The following TM7SF3 variants were observed in gnomAD, a reference collection of about 807,000 sequenced individuals.
The protein encoded by TM7SF3 is seven span transmembrane protein.
TM7SF3 carries 60 observed loss-of-function variants against 65.5 expected under a neutral mutation model. That is an observed-to-expected ratio of 0.92 (90% CI 0.74 to 1.14). The LOEUF (loss-of-function observed/expected upper bound fraction) is 1.14. Among genes scored for constraint, TM7SF3 ranks in the 50% most tolerant of loss-of-function variants. The pLI, the probability that TM7SF3 is intolerant of heterozygous loss-of-function variation, is 0.00. For synonymous variants in TM7SF3, 264 were observed against 259.6 expected (o/e 1.02, Z -0.16); for missense variants, 623 against 684.8 (o/e 0.91, Z 1.01).
At chr12:26,991,685 T>C (rs1375240574) in intron 5 of TM7SF3, among the ~76,000 whole-genome samples, 1 of 152,204 alleles carries the variant, frequency 6.6e-6, no homozygotes, top group East Asian at 1.9e-4. Context: ...AAACTGTTAA[T>C]ATTACTCCCA....
chr12:26,973,755 T>C lies in TM7SF3; in HGVS notation c.*210A>G. ...ATTTGGAAATAAGAAAAAGCCTCCCTACCACCAACCTTTTGGTCATCTTTC... is the reference window on the plus strand; with the variant it reads ...ATTTGGAAATAAGAAAAAGCCTCCCCACCACCAACCTTTTGGTCATCTTTC... On this transcript the variant is annotated 3_prime_UTR_variant, in exon 12 of 12. Transcript: ENST00000343028. 1.3e-5 allele frequency: 7 copies of C among 526,662 alleles called. No homozygotes were observed. In the East Asian group the frequency reaches 2.3e-4, roughly 17 times the overall value. 32.6% of individuals were successfully genotyped at this position (526,662 alleles called of 1,614,324 possible). A position where few individuals can be genotyped will look rare whatever the true frequency, so the allele number is the denominator to read the frequency against.
Position 26,979,955 on chromosome 12 carries a change from TGAACTGC to T in TM7SF3, c.1037-26_1037-20del. ...AGATTCACTGTACAAAGAGAGAGGA[TGAACTGC>T]TGGATAACCGGCAGTACTTCCAACC... On this transcript the variant is annotated intron_variant, in intron 8 of 11. Coordinates refer to ENST00000343028, the MANE Select transcript of TM7SF3 (RefSeq NM_016551.3). 3 of 1,613,984 alleles carry T rather than the reference TGAACTGC, an allele frequency of 1.9e-6. No homozygotes were observed. The highest frequency in any genetic ancestry group is 1.7e-6 in the Non-Finnish European group (2 of 1,179,962).
rs375122787 is a variant in TM7SF3, at chr12:26,974,246, A to C, written c.1451-19T>G. 16 of 1,609,148 alleles carry C rather than the reference A, an allele frequency of 9.9e-6. No homozygotes were observed. In the East Asian group the frequency reaches 1.3e-4, roughly 13 times the overall value. On this transcript the variant is annotated intron_variant, in intron 11 of 11. Transcript: ENST00000343028. The stretch of plus-strand genomic sequence containing the variant: ...ATGAAGTCTAAAAAACAGTAGAAAA[A>C]GTACAGTTTGAACTCTAGTATTTTA...
At chr12:27,008,428 T>C (rs753239323) in intron 1 of TM7SF3, among the ~76,000 whole-genome samples, 17 of 152,192 alleles carry the variant, frequency 1.1e-4, no homozygotes, top group Non-Finnish European at 2.1e-4. Flanking sequence ...ATCATAGATA[T>C]GAGTATTCTG....
At chr12:26,977,395 T>C (rs771774548) in intron 9 of TM7SF3, among the ~76,000 whole-genome samples, 1 of 152,238 alleles carries the variant, frequency 6.6e-6, no homozygotes, top group Non-Finnish European at 1.5e-5. Context: ...AGGTGAAAAC[T>C]AGCAATCTAA....
At chr12:26,999,697 T>C (rs751728621) in intron 2 of TM7SF3, 21 bp from the exon 3 acceptor site, 13 of 1,612,946 alleles carry the variant, frequency 8.1e-6, no homozygotes, top group Non-Finnish European at 8.5e-7. Context: ...GAAGAAACAT[T>C]GTCATGAATA....
At chr12:26,983,231 G>C (rs528266815) in intron 6 of TM7SF3, among the ~76,000 whole-genome samples, 67 of 150,682 alleles carry the variant, frequency 4.4e-4, no homozygotes, top group African/African-American at 1.4e-3. Flanking sequence ...GGCAGGGAGT[G>C]GGGGGGAGGT....
chr12:26,977,736 A>T (rs1223877091), intron 9 of TM7SF3, among the ~76,000 whole-genome samples: 1 of 151,894 alleles, frequency 6.6e-6, no homozygotes, highest in African/African-American at 2.4e-5. Flanking sequence ...CCTGGGAGAC[A>T]GAGTGAGACT....
Position 26,975,617 on chromosome 12 carries a change from C to A in TM7SF3, c.1329G>T (p.Val443=). The A allele has an allele frequency of 1.2e-6, 2 of 1,614,018 alleles. No homozygotes were observed. Among genetic ancestry groups the A allele is most frequent in the Non-Finnish European group, 1.7e-6 (2 of 1,179,968 alleles). ...ACCAGTAACTGTCAATGGCTAAAACCACCGAATAGGAGCCAATGACTCCAC... is the reference window on the plus strand; with the variant it reads ...ACCAGTAACTGTCAATGGCTAAAACAACCGAATAGGAGCCAATGACTCCAC... ...LTCGVIGSYS[V]VLAIDSYWST... is the part of the protein sequence containing the mutation. The change falls in exon 11 of 12, where the codon GTG becomes GTT. Residue 443 remains valine, a synonymous_variant. Transcript: ENST00000343028.
Position 27,003,362 on chromosome 12 carries a change from A to C in TM7SF3, c.120T>G (p.Phe40Leu). ...EGLIEFSVGK[F>L]RYFELNRPFP... Reference sequence around the variant, plus strand: ...AGGGCCTATTGAGCTCGAAGTATCTAAATTTCCCCACAGAAAATTCAATAA... The same window carrying C: ...AGGGCCTATTGAGCTCGAAGTATCTCAATTTCCCCACAGAAAATTCAATAA... Residue 40 changes from phenylalanine to leucine, a missense_variant, in exon 2 of 12, where the codon TTT becomes TTG. Physicochemically the swap from Phe to Leu is conservative, Grantham distance 22 (BLOSUM62 0). Coordinates refer to ENST00000343028, the MANE Select transcript of TM7SF3 (RefSeq NM_016551.3). 6.2e-7 allele frequency: 1 copy of C among 1,612,672 alleles called. No individual in the cohort carries two copies. The highest frequency in any genetic ancestry group is 1.3e-5 in the African/African-American group (1 of 75,004).
chr12:26,973,846 A>G lies in TM7SF3; in HGVS notation c.*119T>C. ...ACCATATATCAATAAGGGCACCATAATATTATGCAAAGAACAGATATATAT... is the reference window on the plus strand; with the variant it reads ...ACCATATATCAATAAGGGCACCATAGTATTATGCAAAGAACAGATATATAT... On this transcript the variant is annotated 3_prime_UTR_variant, in exon 12 of 12. Transcript: ENST00000343028. 7.8e-7 allele frequency: 1 copy of G among 1,284,566 alleles called. No homozygotes were observed. Among genetic ancestry groups the G allele is most frequent in the Admixed American group, 2.3e-5 (1 of 44,284 alleles). The allele number at this position is 1,284,566 out of a possible 1,614,324, so 79.6% of individuals were successfully genotyped here. A position where few individuals can be genotyped will look rare whatever the true frequency, so the allele number is the denominator to read the frequency against.
intron 1 of TM7SF3, among the ~76,000 whole-genome samples, chr12:27,008,975 C>T (rs7314497): frequency 0.13 from 19,088 of 152,150 alleles, 1,689 homozygotes; most frequent in Admixed American, 0.26. Flanking sequence ...ATATCCTGTA[C>T]CTACACTTGT....
chr12:26,979,469 C>T (rs1939715218), intron 9 of TM7SF3: 1 of 268,774 alleles, frequency 3.7e-6, no homozygotes, highest in African/African-American at 2.2e-5. Flanking sequence ...GGTTCCCCGA[C>T]TCAGCTGCCA....
At position 26,999,627 on chromosome 12, in the gene TM7SF3, A is replaced by AAAAC; in HGVS notation, c.292_295dup (p.Phe99CysfsTer5). ...TGTACTCTGCTCTGGTCTAAGGATG[A>AAAAC]AAACCAGTCCACTGGCAGTGCCTGT... On this transcript the variant is annotated frameshift_variant, in exon 3 of 12. Transcript: ENST00000343028. LOFTEE classifies it high-confidence loss of function. 6.2e-7 allele frequency: 1 copy of AAAAC among 1,614,174 alleles called. No individual in the cohort carries two copies. The highest frequency in any genetic ancestry group is 8.5e-7 in the Non-Finnish European group (1 of 1,180,022).
intron 1 of TM7SF3, among the ~76,000 whole-genome samples, chr12:27,004,127 G>A: frequency 6.6e-6 from 1 of 152,280 alleles, no homozygotes; most frequent in South Asian, 2.1e-4. Flanking sequence ...CTGTCTACTT[G>A]CCTCCATGGT....
chr12:27,002,994 T>C (rs1470752443), intron 2 of TM7SF3, among the ~76,000 whole-genome samples: 2 of 152,146 alleles, frequency 1.3e-5, no homozygotes, highest in Admixed American at 6.6e-5. Context: ...TGTCACAGGG[T>C]GCCCTTCTCC....
At chr12:26,995,204 T>A (rs761214002) in intron 5 of TM7SF3, 33 bp downstream of exon 5, 1 of 1,596,226 alleles carries the variant, frequency 6.3e-7, no homozygotes, top group East Asian at 2.2e-5. Flanking sequence ...GGTGTCACAA[T>A]CCAGCCACAC....
intron 1 of TM7SF3, among the ~76,000 whole-genome samples, chr12:27,007,729 G>A (rs55981533): frequency 0.13 from 18,935 of 150,462 alleles, 1,333 homozygotes; most frequent in Non-Finnish European, 0.18. Flanking sequence ...TCCCCCTGTG[G>A]CCCCTCCCAA....
chr12:26,980,393 G>A (rs1288465705), intron 8 of TM7SF3, 173 bp downstream of exon 8: 13 of 593,312 alleles, frequency 2.2e-5, no homozygotes, highest in Non-Finnish European at 3.5e-5. Context: ...TAAAAACCCA[G>A]AAGGTCTGAA....
Sources: allele counts gnomAD v4.1 joint callset (sites outside exome capture counted in the v4.1 genomes callset), GRCh38; gene constraint gnomAD v4.1.1; transcripts MANE v1.5; gene names NCBI Gene and HGNC (gene_info 2026-07-23, HGNC 2026-07-21).